SLC35F4: variants seen among roughly 807,000 people sequenced by gnomAD.
The protein encoded by SLC35F4 is chromosome 14 open reading frame 36.
SLC35F4 carries 24 observed loss-of-function variants against 44.2 expected under a neutral mutation model. The observed-to-expected ratio is 0.54, with a 90% CI of 0.39 to 0.76. The LOEUF is 0.76. Ranked by LOEUF, SLC35F4 falls within the 30% of genes least tolerant of loss-of-function variation. The probability of loss-of-function intolerance (pLI) is 0.00; values close to 1 mark genes in which losing one functional copy is unlikely to be tolerated. For synonymous variants in SLC35F4, 238 were observed against 223.6 expected (o/e 1.06, Z -0.57); for missense variants, 562 against 586.1 (o/e 0.96, Z 0.42).
intron 1 of SLC35F4, among the ~76,000 whole-genome samples, chr14:57,903,846 A>T (rs139329331): frequency 7.0e-4 from 106 of 152,334 alleles, no homozygotes; most frequent in African/African-American, 2.4e-3. Flanking sequence ...ACTCATTTCC[A>T]CAGGCCTTCT....
At chr14:57,827,171 T>C (rs1595154715) in intron 1 of SLC35F4, among the ~76,000 whole-genome samples, 1 of 152,154 alleles carries the variant, frequency 6.6e-6, no homozygotes, top group Non-Finnish European at 1.5e-5. Context: ...TGGAATCCTA[T>C]GCAGCCATAA....
intron 1 of SLC35F4, among the ~76,000 whole-genome samples, chr14:57,695,892 AC>A (rs2075369624): frequency 6.6e-6 from 1 of 152,182 alleles, no homozygotes; most frequent in African/African-American, 2.4e-5. Context: ...GAAACTGGAG[AC>A]TTTTATATTA....
chr14:57,589,079 G>T (rs1402203715), intron 3 of SLC35F4, 137 bp downstream of exon 3: 2 of 878,824 alleles, frequency 2.3e-6, no homozygotes, highest in Admixed American at 2.7e-5. Flanking sequence ...TCTGCTTCTA[G>T]TGCTCGTCTC....
At position 57,634,175 on chromosome 14, in the gene SLC35F4, G is replaced by A. The variant is rs114754441; in HGVS notation, c.104-40051C>T. ...GCTCTGGGATAAAACGGGAAGCAAAGCCAGACATGTTCTTTCATGGCGTCT... is the reference window on the plus strand; with the variant it reads ...GCTCTGGGATAAAACGGGAAGCAAAACCAGACATGTTCTTTCATGGCGTCT... On this transcript the variant is annotated intron_variant, in intron 1 of 7. Transcript: ENST00000556826. 4.6e-3 allele frequency among the ~76,000 whole-genome samples: 698 copies of A among 152,228 alleles called. 6 individuals carry two copies. Among genetic ancestry groups the A allele is most frequent in the African/African-American group, 0.015 (640 of 41,558 alleles).
chr14:57,892,104 A>G (rs1433586565), intron 1 of SLC35F4, among the ~76,000 whole-genome samples: 1 of 152,216 alleles, frequency 6.6e-6, no homozygotes, highest in Non-Finnish European at 1.5e-5. Context: ...CAATTCCCTT[A>G]TCAGATAAAG....
chr14:57,660,647 A>C (rs149773744), intron 1 of SLC35F4, among the ~76,000 whole-genome samples: 225 of 152,152 alleles, frequency 1.5e-3, no homozygotes, highest in Non-Finnish European at 2.9e-3. Context: ...TTAGCTTATA[A>C]AAGACACTGT....
chr14:57,676,359 T>C (rs961255938), intron 1 of SLC35F4, among the ~76,000 whole-genome samples: 2 of 152,056 alleles, frequency 1.3e-5, no homozygotes, highest in Admixed American at 6.6e-5. Context: ...ATGTTCTCAC[T>C]TATAAATGGG....
intron 1 of SLC35F4, among the ~76,000 whole-genome samples, chr14:57,700,073 T>C (rs1039829734): frequency 2.6e-5 from 4 of 152,194 alleles, no homozygotes; most frequent in Admixed American, 6.5e-5. Context: ...TGCTTAATGA[T>C]GAGGATACTT....
chr14:57,795,789 C>CT (rs910215570), intron 1 of SLC35F4, among the ~76,000 whole-genome samples: 23 of 152,068 alleles, frequency 1.5e-4, no homozygotes, highest in African/African-American at 5.1e-4. Context: ...ACATCTTTCA[C>CT]TTTTTTTTCC....
chr14:57,656,359 G>GTA lies in SLC35F4; in HGVS notation c.104-62237_104-62236dup, dbSNP rs71450330. Among the ~76,000 whole-genome samples the GTA allele has an allele frequency of 6.2e-3, 839 of 136,366 alleles. 3 individuals are homozygous for GTA. Among genetic ancestry groups the GTA allele is most frequent in the African/African-American group, 0.015 (536 of 36,840 alleles). The allele number at this position is 136,366 out of a possible 152,430, so 89.5% of individuals were successfully genotyped here. A position where few individuals can be genotyped will look rare whatever the true frequency, so the allele number is the denominator to read the frequency against. On this transcript the variant is annotated intron_variant, in intron 1 of 7. Coordinates refer to ENST00000556826, the MANE Select transcript of SLC35F4 (RefSeq NM_001306087.2). ...GGACACACACACACATGTCCTTAGA[G>GTA]TATATATATATATATATACACACAC...
intron 1 of SLC35F4, among the ~76,000 whole-genome samples, chr14:57,684,714 T>C (rs2075018101): frequency 6.6e-6 from 1 of 152,252 alleles, no homozygotes; most frequent in South Asian, 2.1e-4. Context: ...TTAAAATGCA[T>C]CTGTGGGTTG....
intron 1 of SLC35F4, among the ~76,000 whole-genome samples, chr14:57,675,652 G>C (rs1440261997): frequency 6.6e-6 from 1 of 151,990 alleles, no homozygotes; most frequent in Non-Finnish European, 1.5e-5. Context: ...CTGTGGGTTT[G>C]TCATATATTG....
At chr14:57,618,073 C>T (rs17093460) in intron 1 of SLC35F4, among the ~76,000 whole-genome samples, 24,839 of 151,922 alleles carry the variant, frequency 0.16, 2,083 homozygotes, top group Middle Eastern at 0.21. Flanking sequence ...CAAGTGGGAT[C>T]CAAGAGAACG....
chr14:57,684,582 T>A (rs1418086816), intron 1 of SLC35F4, among the ~76,000 whole-genome samples: 1 of 152,140 alleles, frequency 6.6e-6, no homozygotes, highest in Non-Finnish European at 1.5e-5. Flanking sequence ...TGTAGCTGGG[T>A]TCCTAACAGG....
upstream of SLC35F4, among the ~76,000 whole-genome samples, chr14:57,868,760 G>A (rs550171526): frequency 8.5e-5 from 13 of 152,236 alleles, no homozygotes; most frequent in Admixed American, 3.3e-4. Context: ...CACCGTGCCC[G>A]GCGGAAGGAA....
intron 1 of SLC35F4, among the ~76,000 whole-genome samples, chr14:57,959,664 C>G (rs1335974687): frequency 6.6e-6 from 1 of 152,184 alleles, no homozygotes; most frequent in Non-Finnish European, 1.5e-5. Flanking sequence ...CACCCCGAGA[C>G]CTGTGACCTT....
At chr14:57,861,905 A>T (rs996418891) in intron 1 of SLC35F4, among the ~76,000 whole-genome samples, 1 of 152,128 alleles carries the variant, frequency 6.6e-6, no homozygotes, top group African/African-American at 2.4e-5. Flanking sequence ...ATATGCATTC[A>T]TTCCTTGGAG....
intron 1 of SLC35F4, among the ~76,000 whole-genome samples, chr14:57,835,854 A>G (rs1028832923): frequency 6.6e-6 from 1 of 152,232 alleles, no homozygotes; most frequent in Non-Finnish European, 1.5e-5. Context: ...CTAGTCTCCA[A>G]ATGATTTCAG....
chr14:57,826,686 A>G (rs1032472774), intron 1 of SLC35F4, among the ~76,000 whole-genome samples: 2 of 152,056 alleles, frequency 1.3e-5, no homozygotes, highest in African/African-American at 4.8e-5. Flanking sequence ...ACTAGTAAGA[A>G]GTGGGTGAAG....
Sources: gnomAD v4.1 joint callset for allele counts (sites outside exome capture counted in the v4.1 genomes callset) on GRCh38, gnomAD v4.1.1 for gene constraint, MANE v1.5 for transcripts, NCBI Gene and HGNC (gene_info 2026-07-23, HGNC 2026-07-21) for gene names.